The following MRTFA variants were observed in gnomAD, a reference collection of about 807,000 sequenced individuals.
The protein encoded by MRTFA is myocardin related transcription factor A.
MRTFA carries 20 observed loss-of-function variants against 83.5 expected under a neutral mutation model. The observed-to-expected ratio is 0.24, with a 90% CI of 0.17 to 0.35. The LOEUF (loss-of-function observed/expected upper bound fraction) is 0.35. Ranked by LOEUF, MRTFA falls within the 10% of genes least tolerant of loss-of-function variation. The pLI, the probability that MRTFA is intolerant of heterozygous loss-of-function variation, is 1.00. For synonymous variants in MRTFA, 659 were observed against 541.2 expected (o/e 1.22, Z -3.02); for missense variants, 1,200 against 1,224.7 (o/e 0.98, Z 0.30).
chr22:40,411,504 C>G lies in MRTFA; in HGVS notation c.2982G>C (p.Ser994=), dbSNP rs764653388. 4 of 1,611,380 alleles carry G rather than the reference C, an allele frequency of 2.5e-6. No individual in the cohort carries two copies. Among genetic ancestry groups the G allele is most frequent in the African/African-American group, 1.3e-5 (1 of 74,876 alleles). ...CTAGGCTCAGCACGGGACCACCTGA[C>G]GACAGCTCCAGCCAGTCCATGCTGT... The change falls in exon 15 of 15, where the codon TCG becomes TCC. Residue 994 remains serine (S), a synonymous_variant. Transcript: ENST00000355630.
intron 3 of MRTFA, among the ~76,000 whole-genome samples, chr22:40,497,869 C>T (rs1237595632): frequency 1.3e-5 from 2 of 152,234 alleles, no homozygotes; most frequent in Admixed American, 6.5e-5. Flanking sequence ...CACAGTAGCT[C>T]ACACCTGTAA....
intron 2 of MRTFA, among the ~76,000 whole-genome samples, chr22:40,561,212 C>CTGTG (rs60830555): frequency 0.019 from 2,739 of 145,982 alleles, 85 homozygotes; most frequent in African/African-American, 0.066. Flanking sequence ...GTGTGTGTGT[C>CTGTG]TGTGTGTGTG....
chr22:40,580,150 A>C (rs1182876601), intron 2 of MRTFA, among the ~76,000 whole-genome samples: 1 of 152,174 alleles, frequency 6.6e-6, no homozygotes, highest in Non-Finnish European at 1.5e-5. Flanking sequence ...ACATGTAAAA[A>C]AAATATGTAA....
chr22:40,628,771 C>T, intron 1 of MRTFA, among the ~76,000 whole-genome samples: 1 of 152,176 alleles, frequency 6.6e-6, no homozygotes, highest in Non-Finnish European at 1.5e-5. Flanking sequence ...TGGGCTCAGC[C>T]CCTGGACTGT....
rs1491049553 is a variant in MRTFA, at chr22:40,538,988, TTG to T, written c.241+13116_241+13117del. Among the ~76,000 whole-genome samples the T allele has an allele frequency of 1.8e-3, 246 of 134,460 alleles. 49 individuals carry two copies. The Middle Eastern group carries it at 0.018, about 10-fold the overall frequency. The allele number at this position is 134,460 out of a possible 152,430, so 88.2% of individuals were successfully genotyped here. A position where few individuals can be genotyped will look rare whatever the true frequency, so the allele number is the denominator to read the frequency against. On this transcript the variant is annotated intron_variant, in intron 3 of 14. Coordinates refer to ENST00000355630, the MANE Select transcript of MRTFA (RefSeq NM_020831.6). Reference sequence around the variant, plus strand: ...ATTATACTGCAGGATACACAGCCTTTTGTTTTTTTTTTTTTTTTTTTTTTGAG... The same window carrying T: ...ATTATACTGCAGGATACACAGCCTTTTTTTTTTTTTTTTTTTTTTTTTGAG...
chr22:40,600,559 A>T (rs2056246800), intron 1 of MRTFA, among the ~76,000 whole-genome samples: 1 of 152,216 alleles, frequency 6.6e-6, no homozygotes, highest in African/African-American at 2.4e-5. Flanking sequence ...TGTATATATT[A>T]AAAAGGGAGA....
At chr22:40,425,350 G>C (rs1458656087) in intron 7 of MRTFA, among the ~76,000 whole-genome samples, 1 of 152,254 alleles carries the variant, frequency 6.6e-6, no homozygotes, top group Non-Finnish European at 1.5e-5. Context: ...CATACAGAAG[G>C]AACTGAGGCA....
chr22:40,591,770 C>T (rs569209668), intron 2 of MRTFA, among the ~76,000 whole-genome samples: 4 of 152,132 alleles, frequency 2.6e-5, no homozygotes, highest in South Asian at 4.2e-4. Flanking sequence ...CTCACTAAAC[C>T]ATAAAAAGGA....
At chr22:40,490,684 T>C (rs2054259103) in intron 3 of MRTFA, among the ~76,000 whole-genome samples, 1 of 152,140 alleles carries the variant, frequency 6.6e-6, no homozygotes, top group Non-Finnish European at 1.5e-5. Flanking sequence ...TCGTCTTCGA[T>C]GTGTCCATTC....
intron 2 of MRTFA, among the ~76,000 whole-genome samples, chr22:40,574,516 C>A (rs2055841926): frequency 6.6e-6 from 1 of 151,572 alleles, no homozygotes; most frequent in South Asian, 2.1e-4. Flanking sequence ...CTCACTGCAA[C>A]CTCTGCCTCC....
intron 11 of MRTFA, 124 bp from the exon 12 acceptor site, chr22:40,419,508 C>T: frequency 1.2e-6 from 1 of 820,550 alleles, no homozygotes. Context: ...AATCCTCCAG[C>T]AGCCTGGAGG....
chr22:40,464,616 G>A (rs1051959286), intron 3 of MRTFA, among the ~76,000 whole-genome samples: 1 of 152,118 alleles, frequency 6.6e-6, no homozygotes, highest in Non-Finnish European at 1.5e-5. Flanking sequence ...AGGTGTAGGG[G>A]CCTTCCAAGT....
At chr22:40,504,852 T>C (rs73169003) in intron 3 of MRTFA, among the ~76,000 whole-genome samples, 12,422 of 152,284 alleles carry the variant, frequency 0.082, 787 homozygotes, top group East Asian at 0.24. Context: ...CCCCTTCATG[T>C]CCATCATCTT....
intron 3 of MRTFA, chr22:40,522,394 G>T (rs918274548): frequency 1.3e-5 from 2 of 152,218 alleles, no homozygotes; most frequent in African/African-American, 4.8e-5. Flanking sequence ...CTTCCAGACA[G>T]CAGGGAAATG....
chr22:40,428,368 T>C (rs896989624), intron 7 of MRTFA, among the ~76,000 whole-genome samples: 1 of 152,186 alleles, frequency 6.6e-6, no homozygotes, highest in African/African-American at 2.4e-5. Context: ...GGTAATACCA[T>C]GCCAGAATAC....
chr22:40,531,671 C>T (rs1404316721), intron 3 of MRTFA, among the ~76,000 whole-genome samples: 3 of 152,086 alleles, frequency 2.0e-5, no homozygotes. Context: ...TGTTTATCTA[C>T]TGATAAAGCC....
At chr22:40,457,202 T>C (rs995064078) in intron 4 of MRTFA, among the ~76,000 whole-genome samples, 2 of 151,998 alleles carry the variant, frequency 1.3e-5, no homozygotes, top group Non-Finnish European at 2.9e-5. Context: ...ACGTCTCTAC[T>C]ATAAATACAA....
Position 40,420,542 on chromosome 22 carries a change from G to C in MRTFA, c.1216C>G (p.Pro406Ala), listed in dbSNP as rs750387386. ...GTAGTGGAGAGGCTGCGTACTGGGG[G>C]GGTCCCGCTGCTTCCCAGGGCCTCG... The change falls in exon 11 of 15, where the codon CCC becomes GCC. Residue 406 changes from proline to alanine, a missense_variant. Physicochemically the swap from Pro to Ala is conservative, Grantham distance 27. Coordinates refer to ENST00000355630, the MANE Select transcript of MRTFA (RefSeq NM_020831.6). 149 of 1,613,510 alleles carry C rather than the reference G, an allele frequency of 9.2e-5. No homozygotes were observed. The Admixed American group carries it at 2.4e-3, about 27-fold the overall frequency.
intron 4 of MRTFA, among the ~76,000 whole-genome samples, chr22:40,461,628 C>CAAAAAAAAAA (rs71199287): frequency 4.0e-5 from 4 of 100,366 alleles, no homozygotes; most frequent in Admixed American, 1.1e-4. Context: ...ACTAAAAATA[C>CAAAAAAAAAA]AAAAAAAAAA....
Sources: allele counts gnomAD v4.1 joint callset (sites outside exome capture counted in the v4.1 genomes callset), GRCh38; gene constraint gnomAD v4.1.1; transcripts MANE v1.5; gene names NCBI Gene and HGNC (gene_info 2026-07-23, HGNC 2026-07-21).